SHB: variants seen among roughly 807,000 people sequenced by gnomAD.
SHB encodes SH2 domain containing adaptor protein B.
SHB carries 20 observed loss-of-function variants against 52.3 expected under a neutral mutation model. The observed-to-expected ratio is 0.38, with a 90% CI of 0.27 to 0.56. SHB has a LOEUF of 0.56. Ranked by LOEUF, SHB falls within the 20% of genes least tolerant of loss-of-function variation. The pLI, the probability that SHB is intolerant of heterozygous loss-of-function variation, is 0.71. For missense variants in SHB, 825 were observed against 723.3 expected (o/e 1.14, Z -1.61); for synonymous variants, 397 against 316.5 (o/e 1.25, Z -2.70).
chr9:38,047,674 T>G (rs1341807921), intron 1 of SHB, among the ~76,000 whole-genome samples: 1 of 152,234 alleles, frequency 6.6e-6, no homozygotes, highest in African/African-American at 2.4e-5. Context: ...TGAGACAGAT[T>G]TCTTCCAAAG....
intron 3 of SHB, among the ~76,000 whole-genome samples, chr9:37,972,383 C>T (rs578260401): frequency 6.6e-6 from 1 of 152,102 alleles, no homozygotes; most frequent in Non-Finnish European, 1.5e-5. Flanking sequence ...ACAGGGGAGA[C>T]CTGGGGCAAC....
chr9:37,936,687 T>A (rs1304648801), intron 5 of SHB: 4 of 152,242 alleles, frequency 2.6e-5, no homozygotes, highest in Non-Finnish European at 5.9e-5. Context: ...CCAGGGTTTA[T>A]GTACCTAGAT....
At chr9:37,983,611 A>C (rs1232602499) in intron 2 of SHB, among the ~76,000 whole-genome samples, 2 of 152,076 alleles carry the variant, frequency 1.3e-5, no homozygotes, top group Non-Finnish European at 2.9e-5. Context: ...GGGAATCCAT[A>C]CCACTCCCTA....
chr9:38,021,710 T>C (rs1455904039), intron 1 of SHB, among the ~76,000 whole-genome samples: 1 of 151,156 alleles, frequency 6.6e-6, no homozygotes, highest in Non-Finnish European at 1.5e-5. Flanking sequence ...GCAGACTGGC[T>C]GCTGTCTTCC....
At chr9:37,937,196 C>T (rs1359652876) in intron 5 of SHB, among the ~76,000 whole-genome samples, 1 of 152,180 alleles carries the variant, frequency 6.6e-6, no homozygotes, top group Non-Finnish European at 1.5e-5. Context: ...ACCCAGCTGA[C>T]AGCCCAGGGC....
chr9:37,949,470 G>A (rs78622054), intron 4 of SHB, among the ~76,000 whole-genome samples: 3,707 of 151,936 alleles, frequency 0.024, 84 homozygotes, highest in East Asian at 0.086. Flanking sequence ...ACATTTCAGT[G>A]CAGACCTGCA....
chr9:37,983,446 C>A (rs997259537), intron 2 of SHB, among the ~76,000 whole-genome samples: 1 of 152,142 alleles, frequency 6.6e-6, no homozygotes, highest in African/African-American at 2.4e-5. Context: ...ATGGCAGCAC[C>A]CCCAGGAGTG....
At chr9:37,947,236 G>A (rs1055347339) in intron 5 of SHB, among the ~76,000 whole-genome samples, 7 of 152,202 alleles carry the variant, frequency 4.6e-5, no homozygotes, top group East Asian at 1.9e-4. Context: ...TGCCCTACCC[G>A]CTAGGCTAGA....
At chr9:37,975,906 G>A (rs995248748) in intron 2 of SHB, among the ~76,000 whole-genome samples, 2 of 152,240 alleles carry the variant, frequency 1.3e-5, no homozygotes, top group Admixed American at 6.5e-5. Flanking sequence ...ACAAGTGGAA[G>A]CAGGAGAGGG....
At chr9:38,036,211 T>A (rs957726585) in intron 1 of SHB, among the ~76,000 whole-genome samples, 10 of 152,104 alleles carry the variant, frequency 6.6e-5, no homozygotes, top group African/African-American at 2.4e-4. Flanking sequence ...ACCAGCCACA[T>A]TCGCCCCGAC....
At chr9:38,042,459 A>C (rs73646138) in intron 1 of SHB, among the ~76,000 whole-genome samples, 19,996 of 152,210 alleles carry the variant, frequency 0.13, 2,792 homozygotes, top group African/African-American at 0.35. Flanking sequence ...GGTGACCAAG[A>C]AGTTCACTTC....
At chr9:37,961,282 CTT>C (rs1324834359) in intron 3 of SHB, among the ~76,000 whole-genome samples, 4 of 152,208 alleles carry the variant, frequency 2.6e-5, no homozygotes, top group East Asian at 1.9e-4. Flanking sequence ...TCTCCAGTCT[CTT>C]GTCTGCCCCT....
chr9:38,040,405 C>T (rs1300916216), intron 1 of SHB, among the ~76,000 whole-genome samples: 1 of 152,174 alleles, frequency 6.6e-6, no homozygotes, highest in African/African-American at 2.4e-5. Context: ...AAAGGGGGGG[C>T]TTGGGAAGGG....
At chr9:38,021,567 C>A (rs1242282993) in intron 1 of SHB, among the ~76,000 whole-genome samples, 1 of 152,004 alleles carries the variant, frequency 6.6e-6, no homozygotes, top group Non-Finnish European at 1.5e-5. Context: ...ACTTGGGAAG[C>A]TGAGGCAGAA....
intron 2 of SHB, among the ~76,000 whole-genome samples, chr9:37,978,473 C>T (rs1170759590): frequency 1.3e-5 from 2 of 152,188 alleles, no homozygotes; most frequent in East Asian, 1.9e-4. Context: ...ATTAAGCAGC[C>T]ATTAAAATGA....
chr9:38,050,002 G>C (rs989060737), intron 1 of SHB, among the ~76,000 whole-genome samples: 7 of 152,162 alleles, frequency 4.6e-5, no homozygotes, highest in African/African-American at 1.4e-4. Flanking sequence ...TGTTGGTCAG[G>C]TTGGTCTCGA....
At chr9:37,935,649 G>A (rs181699613) in intron 5 of SHB, among the ~76,000 whole-genome samples, 1 of 152,222 alleles carries the variant, frequency 6.6e-6, no homozygotes, top group East Asian at 1.9e-4. Flanking sequence ...CTGAGATGTA[G>A]GAACTATTAC....
intron 1 of SHB, among the ~76,000 whole-genome samples, chr9:38,047,422 G>A (rs1017400776): frequency 7.9e-5 from 12 of 152,278 alleles, no homozygotes; most frequent in South Asian, 2.1e-4. Flanking sequence ...CCTCCCCTTC[G>A]GTGCAGAAAA....
chr9:38,031,607 C>A (rs565676395), intron 1 of SHB, among the ~76,000 whole-genome samples: 3 of 152,144 alleles, frequency 2.0e-5, no homozygotes, highest in Non-Finnish European at 4.4e-5. Flanking sequence ...TGCTTAAGAG[C>A]ACTGACTTTT....
Sources: gnomAD v4.1 joint callset for allele counts (sites outside exome capture counted in the v4.1 genomes callset) on GRCh38, gnomAD v4.1.1 for gene constraint, MANE v1.5 for transcripts, NCBI Gene and HGNC (gene_info 2026-07-23, HGNC 2026-07-21) for gene names.